Variants in DNAJC10 observed in about 807,000 individuals in gnomAD.
The protein encoded by DNAJC10 is endoplasmic reticulum disulfide reductase DNAJC10.
DNAJC10 carries 101 observed loss-of-function variants against 115.0 expected under a neutral mutation model. The ratio of observed to expected loss-of-function variants is 0.88; its 90% CI spans 0.75 to 1.04. The LOEUF is 1.04. Ranked by LOEUF, DNAJC10 falls within the 50% of genes least tolerant of loss-of-function variation. DNAJC10 has a pLI of 0.00. For missense variants in DNAJC10, 981 were observed against 928.8 expected, an observed-to-expected ratio of 1.06 and a Z score of -0.73; for synonymous variants, 307 against 301.5, an observed-to-expected ratio of 1.02 and a Z score of -0.19.
At chr2:182,758,143 T>C (rs1229389572) in intron 19 of DNAJC10, among the ~76,000 whole-genome samples, 1 of 152,174 alleles carries the variant, frequency 6.6e-6, no homozygotes, top group Non-Finnish European at 1.5e-5. Context: ...TCCTCACATA[T>C]GCTCTGTGAA....
chr2:182,722,199 T>C, intron 5 of DNAJC10, 124 bp downstream of exon 5: 1 of 621,318 alleles, frequency 1.6e-6, no homozygotes, highest in Non-Finnish European at 2.8e-6. Context: ...TAATGTAATA[T>C]ACTGTATCTT....
chr2:182,720,263 C>A lies in DNAJC10; in HGVS notation c.367+94C>A, dbSNP rs561958567. 10 of 1,044,132 alleles carry A rather than the reference C, an allele frequency of 9.6e-6. No individual in the cohort carries two copies. The African/African-American group carries it at 1.3e-4, about 13-fold the overall frequency. The allele number at this position is 1,044,132 out of a possible 1,614,324, so 64.7% of individuals were successfully genotyped here. A position where few individuals can be genotyped will look rare whatever the true frequency, so the allele number is the denominator to read the frequency against. On this transcript the variant is annotated intron_variant, in intron 4 of 23. Coordinates refer to ENST00000264065, the MANE Select transcript of DNAJC10 (RefSeq NM_018981.4). ...CCACTTAGCTTATATATTTAAGATG[C>A]GTCACTTTGATTAGCTCCTTTTAAT...
chr2:182,759,349 GT>G, intron 21 of DNAJC10, 42 bp downstream of exon 21: 1 of 1,556,094 alleles, frequency 6.4e-7, no homozygotes, highest in Non-Finnish European at 8.6e-7. Flanking sequence ...CCACATTCAT[GT>G]TTTAGTAATT....
intron 5 of DNAJC10, among the ~76,000 whole-genome samples, chr2:182,722,282 G>A (rs1693169726): frequency 6.6e-6 from 1 of 152,076 alleles, no homozygotes; most frequent in Admixed American, 6.6e-5. Context: ...AAATGTGTAA[G>A]TATATATACT....
intron 22 of DNAJC10, among the ~76,000 whole-genome samples, chr2:182,773,168 C>A (rs987283557): frequency 3.9e-5 from 6 of 152,178 alleles, no homozygotes; most frequent in African/African-American, 1.4e-4. Context: ...CCCCCACTAT[C>A]TCCTGGCTTG....
At chr2:182,722,328 T>C (rs1276310676) in intron 5 of DNAJC10, among the ~76,000 whole-genome samples, 1 of 152,128 alleles carries the variant, frequency 6.6e-6, no homozygotes, top group Admixed American at 6.5e-5. Context: ...TCAGATCAGG[T>C]TTGGATGCCA....
chr2:182,731,851 C>CTT (rs1285978497), intron 9 of DNAJC10, among the ~76,000 whole-genome samples: 1 of 152,170 alleles, frequency 6.6e-6, no homozygotes, highest in East Asian at 1.9e-4. Context: ...CAGCCTTAAA[C>CTT]TTAACTAATC....
At chr2:182,720,644 A>G (rs1048423442) in intron 4 of DNAJC10, among the ~76,000 whole-genome samples, 1 of 152,054 alleles carries the variant, frequency 6.6e-6, no homozygotes, top group East Asian at 1.9e-4. Context: ...GTGTAAGTAC[A>G]CTCTGTGATG....
In DNAJC10 at chr2:182,779,058, T is replaced by C. The variant is rs2105716849; in HGVS notation, c.*1926T>C. The C allele has an allele frequency of 6.6e-6, 1 of 152,338 alleles. No individual in the cohort carries two copies. Among genetic ancestry groups the C allele is most frequent in the Non-Finnish European group, 1.5e-5 (1 of 68,030 alleles). 9.4% of individuals were successfully genotyped at this position (152,338 alleles called of 1,614,324 possible). ...ATAAATGTTTCCTGTACTTGTTAGT[T>C]GTTGAGAAACATTTTAGGCAGTAAA... On this transcript the variant is annotated 3_prime_UTR_variant, in exon 24 of 24. Transcript: ENST00000264065.
chr2:182,791,010 TTA>T lies in DNAJC10; in HGVS notation c.*13880_*13881del, dbSNP rs1487001874. 1 of 152,146 alleles carries T rather than the reference TTA, an allele frequency of 6.6e-6. No individual in the cohort carries two copies. The highest frequency in any genetic ancestry group is 2.4e-5 in the African/African-American group (1 of 41,442). 9.4% of individuals were successfully genotyped at this position (152,146 alleles called of 1,614,324 possible). A position where few individuals can be genotyped will look rare whatever the true frequency, so the allele number is the denominator to read the frequency against. Reference sequence around the variant, plus strand: ...TGTTCACTATTTTGATATTTAAATGTTATGACTTATTTTCAAGTAAATATTTT... The same window carrying T: ...TGTTCACTATTTTGATATTTAAATGTTGACTTATTTTCAAGTAAATATTTT... On this transcript the variant is annotated 3_prime_UTR_variant, in exon 24 of 24. Transcript: ENST00000264065.
At chr2:182,761,553 AAAG>A (rs1331909693) in intron 21 of DNAJC10, among the ~76,000 whole-genome samples, 2 of 152,108 alleles carry the variant, frequency 1.3e-5, no homozygotes, top group Admixed American at 1.3e-4. Flanking sequence ...TTGGTGATAG[AAAG>A]AAGGGGACAA....
At chr2:182,772,187 T>C (rs1228994938) in intron 22 of DNAJC10, among the ~76,000 whole-genome samples, 1 of 152,216 alleles carries the variant, frequency 6.6e-6, no homozygotes, top group Non-Finnish European at 1.5e-5. Flanking sequence ...TGAGAGACAA[T>C]TTGTTGTGAT....
At chr2:182,776,122 T>TATC (rs1694697702) in intron 23 of DNAJC10, among the ~76,000 whole-genome samples, 1 of 152,088 alleles carries the variant, frequency 6.6e-6, no homozygotes, top group Non-Finnish European at 1.5e-5. Context: ...ATGTGAAATA[T>TATC]ATCTCAACAA....
At chr2:182,730,630 T>C in intron 8 of DNAJC10, 1 of 432,526 alleles carries the variant, frequency 2.3e-6, no homozygotes, top group Non-Finnish European at 4.6e-6. Context: ...CAATCTGTCA[T>C]GAAAATGAAT....
At chr2:182,746,167 T>C in intron 14 of DNAJC10, among the ~76,000 whole-genome samples, 1 of 152,216 alleles carries the variant, frequency 6.6e-6, no homozygotes, top group Non-Finnish European at 1.5e-5. Context: ...TCCAAGTCTT[T>C]GCTATTGTGA....
At chr2:182,753,824 C>G (rs1694089429) in intron 16 of DNAJC10, among the ~76,000 whole-genome samples, 1 of 151,984 alleles carries the variant, frequency 6.6e-6, no homozygotes, top group Non-Finnish European at 1.5e-5. Flanking sequence ...CCTCGTGATC[C>G]TCCCACCTCG....
rs1265058436 is a variant in DNAJC10 at position 182,777,190 on chromosome 2, C to T, written c.*58C>T. 2.8e-6 allele frequency: 3 copies of T among 1,081,008 alleles called. No homozygotes were observed. Among genetic ancestry groups the T allele is most frequent in the Non-Finnish European group, 3.9e-6 (3 of 776,160 alleles). The allele number at this position is 1,081,008 out of a possible 1,614,324, so 67.0% of individuals were successfully genotyped here. ...AATTCTGACAGATGACATCAGAAGA[C>T]ACCTATTTAGAATGTTACATTTATG... is the stretch of plus-strand genomic sequence containing the variant. On this transcript the variant is annotated 3_prime_UTR_variant, in exon 24 of 24. Coordinates refer to ENST00000264065, the MANE Select transcript of DNAJC10 (RefSeq NM_018981.4).
intron 22 of DNAJC10, among the ~76,000 whole-genome samples, chr2:182,768,802 C>T (rs1197680377): frequency 2.0e-5 from 3 of 152,010 alleles, no homozygotes; most frequent in Admixed American, 2.0e-4. Flanking sequence ...GGAATGAGTT[C>T]GGTCCTCTGG....
intron 5 of DNAJC10, among the ~76,000 whole-genome samples, chr2:182,724,519 TG>T (rs1693231825): frequency 6.6e-6 from 1 of 152,180 alleles, no homozygotes; most frequent in Non-Finnish European, 1.5e-5. Context: ...AAAACATGCA[TG>T]GTATTCTAAA....
Sources: gnomAD v4.1 joint callset for allele counts (sites outside exome capture counted in the v4.1 genomes callset) on GRCh38, gnomAD v4.1.1 for gene constraint, MANE v1.5 for transcripts, NCBI Gene and HGNC (gene_info 2026-07-23, HGNC 2026-07-21) for gene names.